EHMT1: variants seen among roughly 807,000 people sequenced by gnomAD.
EHMT1 encodes the protein euchromatic histone lysine methyltransferase 1.
A neutral mutation model predicts 147.2 loss-of-function variants in EHMT1; 15 were observed. That is an observed-to-expected ratio of 0.10 (90% CI 0.07 to 0.16). EHMT1 has a LOEUF of 0.16. EHMT1 is among the 10% of genes least tolerant of loss of function. The pLI is 1.00. For synonymous variants in EHMT1, 795 were observed against 709.6 expected (o/e 1.12, Z -1.91); for missense variants, 1,587 against 1,772.4 (o/e 0.90, Z 1.88).
At chr9:137,822,206 G>A (rs1955471941) in intron 25 of EHMT1, among the ~76,000 whole-genome samples, 2 of 152,192 alleles carry the variant, frequency 1.3e-5, no homozygotes, top group African/African-American at 4.8e-5. Flanking sequence ...GTGGCTACAC[G>A]TGTCAGTGGT....
At chr9:137,788,117 C>A in intron 15 of EHMT1, 1 of 1,298,032 alleles carries the variant, frequency 7.7e-7, no homozygotes, top group East Asian at 2.5e-5. Flanking sequence ...GCCACAGAGG[C>A]CTCTCAGAGG....
At chr9:137,757,828 G>A (rs1949496004) in intron 8 of EHMT1, 52 bp from the exon 9 acceptor site, 1 of 1,610,612 alleles carries the variant, frequency 6.2e-7, no homozygotes, top group African/African-American at 1.3e-5. Context: ...CGTCTGGGTG[G>A]GTGCGGCCGC....
At chr9:137,816,168 A>AC in intron 23 of EHMT1, 106 bp downstream of exon 23, 2 of 1,001,760 alleles carry the variant, frequency 2.0e-6, no homozygotes, top group Non-Finnish European at 3.1e-6. Context: ...GGATGCACGC[A>AC]CATGTGTGTT....
chr9:137,745,562 G>A (rs183904820), intron 6 of EHMT1: 5 of 398,604 alleles, frequency 1.3e-5, no homozygotes, highest in South Asian at 1.3e-4. Context: ...TTCCTTAGAC[G>A]TGCCCAGCAC....
intron 25 of EHMT1, chr9:137,823,567 A>G (rs1955604871): frequency 8.5e-6 from 2 of 235,304 alleles, no homozygotes; most frequent in Non-Finnish European, 8.7e-6. Flanking sequence ...GCCCGCCACC[A>G]CGCCCAGCTA....
rs570735857 is a variant in EHMT1 at position 137,779,572 on chromosome 9, G to C, written c.2193-63G>C. ...GGGGAGATGTCCGCCGGGCCTTCCA[G>C]CCTTCAGCTTCATGTGTGGGATGCA... On this transcript the variant is annotated intron_variant, in intron 13 of 26. Transcript: ENST00000460843. The C allele has an allele frequency of 3.7e-4, 582 of 1,586,736 alleles. 5 individuals carry two copies. In the South Asian group the frequency reaches 6.3e-3, roughly 17 times the overall value.
intron 25 of EHMT1, among the ~76,000 whole-genome samples, chr9:137,818,559 C>T (rs983589010): frequency 4.2e-5 from 6 of 141,204 alleles, no homozygotes; most frequent in Admixed American, 6.7e-5. Flanking sequence ...GACTGAGGGG[C>T]GCCGTGTACC....
chr9:137,812,926 C>T lies in EHMT1; in HGVS notation c.2868-80C>T, dbSNP rs375768384. Reference sequence around the variant, plus strand: ...GTGTTCCCTTTATTGTTAGTGATGACGGACATTTTATAAATCTCATCTGTA... The same window carrying T: ...GTGTTCCCTTTATTGTTAGTGATGATGGACATTTTATAAATCTCATCTGTA... On this transcript the variant is annotated intron_variant, in intron 19 of 26. Coordinates refer to ENST00000460843, the MANE Select transcript of EHMT1 (RefSeq NM_024757.5). 1,717 of 1,567,172 alleles carry T rather than the reference C, an allele frequency of 1.1e-3. 21 individuals are homozygous for T. In the South Asian group the frequency reaches 0.011, roughly 10 times the overall value.
At chr9:137,717,296 C>T (rs890853080) in intron 3 of EHMT1, 114 bp downstream of exon 3, 7 of 1,376,548 alleles carry the variant, frequency 5.1e-6, no homozygotes, top group Admixed American at 3.9e-5. Context: ...GGTTATCCGA[C>T]AGGGCCTATG....
At chr9:137,650,977 C>T (rs1324339087) in intron 1 of EHMT1, 1 of 152,252 alleles carries the variant, frequency 6.6e-6, no homozygotes, top group African/African-American at 2.4e-5. Context: ...GTGGGAGGAT[C>T]ACGAGCCTGG....
chr9:137,728,424 A>T lies in EHMT1; in HGVS notation c.718A>T (p.Asn240Tyr). ...HKEPKEEINK[N>Y]ISDFGRQQLL... Reference sequence around the variant, plus strand: ...GGAACCAAAAGAGGAGATCAACAAAAACATTTCTGACTTTGGACGACAGCA... The same window carrying T: ...GGAACCAAAAGAGGAGATCAACAAATACATTTCTGACTTTGGACGACAGCA... The change falls in exon 4 of 27, where the codon AAC (asparagine) becomes TAC (tyrosine). Residue 240 changes from asparagine to tyrosine, a missense_variant. Physicochemically the swap from Asn to Tyr is moderately radical, Grantham distance 143. Transcript: ENST00000460843. The T allele has an allele frequency of 6.2e-7, 1 of 1,614,220 alleles. No homozygotes were observed. The highest frequency in any genetic ancestry group is 8.5e-7 in the Non-Finnish European group (1 of 1,180,040).
Position 137,767,355 on chromosome 9 carries a change from G to C in EHMT1, c.1647+4535G>C, listed in dbSNP as rs1422461529. On this transcript the variant is annotated intron_variant, in intron 10 of 26. Transcript: ENST00000460843. ...CCAACGATGGACTGTAGCTGTGAAG[G>C]TTGTAATACAGGTTGATGTACCGTA... is the stretch of plus-strand genomic sequence containing the variant. Among the ~76,000 whole-genome samples the C allele has an allele frequency of 2.0e-5, 3 of 152,226 alleles. No homozygotes were observed. In the East Asian group the frequency reaches 5.8e-4, roughly 29 times the overall value.
chr9:137,757,878 A>G lies in EHMT1; in HGVS notation c.1370-2A>G. On this transcript the variant is annotated splice_acceptor_variant, in intron 8 of 26. Coordinates refer to ENST00000460843, the MANE Select transcript of EHMT1 (RefSeq NM_024757.5). LOFTEE classifies it high-confidence loss of function. The stretch of plus-strand genomic sequence containing the variant: ...TCTGATGTGTGTGCCTTTCATACCT[A>G]GGTTCTGAGTCGTATAAGTCATCTG... 1.2e-6 allele frequency: 2 copies of G among 1,613,674 alleles called. No individual in the cohort carries two copies. The highest frequency in any genetic ancestry group is 1.7e-6 in the Non-Finnish European group (2 of 1,179,946).
At chr9:137,805,665 C>CT (rs869054500) in intron 18 of EHMT1, among the ~76,000 whole-genome samples, 2,831 of 142,402 alleles carry the variant, frequency 0.02, 77 homozygotes, top group African/African-American at 0.058. Flanking sequence ...AGTCAGTGGT[C>CT]TTTTTTTTTT....
At chr9:137,704,045 G>A (rs1944049639) in intron 1 of EHMT1, among the ~76,000 whole-genome samples, 1 of 152,088 alleles carries the variant, frequency 6.6e-6, no homozygotes, top group African/African-American at 2.4e-5. Flanking sequence ...CTGGCCATAA[G>A]GATGAAGAGA....
At chr9:137,653,070 A>G (rs1266938589) in intron 1 of EHMT1, among the ~76,000 whole-genome samples, 1 of 152,140 alleles carries the variant, frequency 6.6e-6, no homozygotes, top group Admixed American at 6.6e-5. Flanking sequence ...TAAAGCCTAC[A>G]GTAGTGTATA....
At chr9:137,635,231 G>A (rs76033513) in intron 1 of EHMT1, among the ~76,000 whole-genome samples, 1 of 151,666 alleles carries the variant, frequency 6.6e-6, no homozygotes. Flanking sequence ...TTTTGAGACA[G>A]AGTCTTGCAC....
chr9:137,772,179 T>G (rs1950629822), intron 10 of EHMT1, among the ~76,000 whole-genome samples: 1 of 152,090 alleles, frequency 6.6e-6, no homozygotes, highest in Admixed American at 6.5e-5. Flanking sequence ...ATGGCATCAT[T>G]TTACCCCTAG....
At chr9:137,699,881 C>T (rs1160996206) in intron 1 of EHMT1, among the ~76,000 whole-genome samples, 1 of 152,176 alleles carries the variant, frequency 6.6e-6, no homozygotes, top group Non-Finnish European at 1.5e-5. Context: ...TATGTATATG[C>T]TGCCTTTGTT....
Sources: gnomAD v4.1 joint callset for allele counts (sites outside exome capture counted in the v4.1 genomes callset) on GRCh38, gnomAD v4.1.1 for gene constraint, MANE v1.5 for transcripts, NCBI Gene and HGNC (gene_info 2026-07-23, HGNC 2026-07-21) for gene names.